Variants in CNTNAP2 observed in about 807,000 individuals in gnomAD.
CNTNAP2 encodes the protein contactin-associated protein-like 2.
Under a neutral mutation model 155.2 loss-of-function variants are expected in CNTNAP2, and 98 were observed. That is an observed-to-expected ratio of 0.63 (90% CI 0.54 to 0.75). CNTNAP2 has a LOEUF of 0.75. Ranked by LOEUF, CNTNAP2 falls within the 30% of genes least tolerant of loss-of-function variation. The pLI is 0.00. For missense variants in CNTNAP2, 1,727 were observed against 1,688.1 expected, an observed-to-expected ratio of 1.02 and a Z score of -0.40; for synonymous variants, 651 against 631.2, an observed-to-expected ratio of 1.03 and a Z score of -0.47.
intron 15 of CNTNAP2, among the ~76,000 whole-genome samples, chr7:148,009,441 A>C (rs1251987845): frequency 6.6e-6 from 1 of 152,150 alleles, no homozygotes; most frequent in Non-Finnish European, 1.5e-5. Flanking sequence ...TGGACAGGAG[A>C]GCTAGTAACA....
At chr7:146,185,670 G>C (rs971941243) in intron 1 of CNTNAP2, among the ~76,000 whole-genome samples, 3 of 151,846 alleles carry the variant, frequency 2.0e-5, no homozygotes, top group African/African-American at 7.3e-5. Context: ...GCTTGATAAA[G>C]CAATTCCTCT....
Position 146,158,412 on chromosome 7 carries a change from C to T in CNTNAP2, c.97+41439C>T, listed in dbSNP as rs191666444. On this transcript the variant is annotated intron_variant, in intron 1 of 23. Transcript: ENST00000361727. ...TGACTTTGATGAGTTTAGAGAAGAA[C>T]GCTTCAGAGGATCGGTAATAACAAA... Among the ~76,000 whole-genome samples the T allele has an allele frequency of 2.5e-3, 387 of 152,134 alleles. 3 individuals carry two copies. Among genetic ancestry groups the T allele is most frequent in the African/African-American group, 6.5e-3 (268 of 41,510 alleles).
chr7:147,899,577 A>G (rs1799829326), intron 13 of CNTNAP2, among the ~76,000 whole-genome samples: 2 of 152,184 alleles, frequency 1.3e-5, no homozygotes, highest in African/African-American at 2.4e-5. Context: ...TGCTAAAGTC[A>G]TATTAAGAAT....
chr7:147,358,890 C>T (rs1796104558), intron 9 of CNTNAP2, among the ~76,000 whole-genome samples: 1 of 152,012 alleles, frequency 6.6e-6, no homozygotes, highest in Non-Finnish European at 1.5e-5. Flanking sequence ...CTGTTTACTC[C>T]TTGTTTGGTA....
Position 147,392,976 on chromosome 7 carries a change from G to T in CNTNAP2, c.1499-2633G>T, listed in dbSNP as rs115247408. Among the ~76,000 whole-genome samples, 164 of 152,136 alleles carry T rather than the reference G, an allele frequency of 1.1e-3. 1 individual carries two copies. Among genetic ancestry groups the T allele is most frequent in the African/African-American group, 3.9e-3 (161 of 41,520 alleles). On this transcript the variant is annotated intron_variant, in intron 9 of 23. Coordinates refer to ENST00000361727, the MANE Select transcript of CNTNAP2 (RefSeq NM_014141.6). ...CTTAAAATTAATTTCAAACAATGATGAATATTCATTACCTCTCCTGGGCCA... is the reference window on the plus strand; with the variant it reads ...CTTAAAATTAATTTCAAACAATGATTAATATTCATTACCTCTCCTGGGCCA...
chr7:148,080,274 T>C (rs1404984864), intron 15 of CNTNAP2, among the ~76,000 whole-genome samples: 1 of 152,184 alleles, frequency 6.6e-6, no homozygotes, highest in Non-Finnish European at 1.5e-5. Context: ...AACTTATCCA[T>C]TCAAGTGATC....
chr7:147,075,802 C>A (rs1311589141), intron 4 of CNTNAP2, among the ~76,000 whole-genome samples: 1 of 152,150 alleles, frequency 6.6e-6, no homozygotes, highest in East Asian at 1.9e-4. Flanking sequence ...CCACGATAGG[C>A]CCCAGTGTGT....
intron 1 of CNTNAP2, among the ~76,000 whole-genome samples, chr7:146,745,628 G>A (rs1404337727): frequency 8.5e-5 from 13 of 152,064 alleles, no homozygotes; most frequent in Admixed American, 7.2e-4. Flanking sequence ...TTAGCCAAGC[G>A]TGGTGGTGCA....
At chr7:148,261,101 A>G (rs532827843) in intron 20 of CNTNAP2, among the ~76,000 whole-genome samples, 5 of 152,142 alleles carry the variant, frequency 3.3e-5, no homozygotes, top group South Asian at 2.1e-4. Flanking sequence ...TTCCATATGA[A>G]AGTTTCATCT....
intron 1 of CNTNAP2, among the ~76,000 whole-genome samples, chr7:146,130,741 T>A (rs760218440): frequency 1.3e-5 from 2 of 152,144 alleles, no homozygotes; most frequent in African/African-American, 2.4e-5. Context: ...TGTAATTGAC[T>A]CACAGTTCTG....
chr7:147,284,008 T>C (rs536767945), intron 8 of CNTNAP2, among the ~76,000 whole-genome samples: 19 of 151,980 alleles, frequency 1.3e-4, no homozygotes, highest in Non-Finnish European at 2.4e-4. Context: ...AATTTTCTTT[T>C]TTCATCTCGG....
intron 8 of CNTNAP2, among the ~76,000 whole-genome samples, chr7:147,253,446 C>T (rs969344322): frequency 7.0e-6 from 1 of 142,038 alleles, no homozygotes; most frequent in Non-Finnish European, 1.5e-5. Context: ...CGTCTTATTG[C>T]TTCTTTTGTT....
At chr7:146,459,417 C>T (rs531244713) in intron 1 of CNTNAP2, among the ~76,000 whole-genome samples, 11 of 152,150 alleles carry the variant, frequency 7.2e-5, no homozygotes, top group Non-Finnish European at 1.2e-4. Context: ...ATAGCCAAAA[C>T]TTACAATTGG....
chr7:146,599,947 T>C lies in CNTNAP2; in HGVS notation c.98-174324T>C, dbSNP rs1285254270. 3.9e-5 allele frequency among the ~76,000 whole-genome samples: 6 copies of C among 152,138 alleles called. No homozygotes were observed. The East Asian group carries it at 1.2e-3, about 29-fold the overall frequency. On this transcript the variant is annotated intron_variant, in intron 1 of 23. Coordinates refer to ENST00000361727, the MANE Select transcript of CNTNAP2 (RefSeq NM_014141.6). ...ATGTTGATTTATAGAGATTTATATT[T>C]CCCGTTAATTTCCGTTATGCTTTCT...
chr7:146,407,236 C>T (rs1795805527), intron 1 of CNTNAP2, among the ~76,000 whole-genome samples: 1 of 152,108 alleles, frequency 6.6e-6, no homozygotes, highest in Non-Finnish European at 1.5e-5. Context: ...GGTATTTATA[C>T]TTAATTTCTA....
chr7:147,088,715 C>T (rs1234114055), intron 4 of CNTNAP2, among the ~76,000 whole-genome samples: 2 of 152,126 alleles, frequency 1.3e-5, no homozygotes, highest in Admixed American at 1.3e-4. Context: ...AAGGCCAAGG[C>T]AGGAAAATGG....
intron 21 of CNTNAP2, among the ~76,000 whole-genome samples, chr7:148,291,360 C>T (rs1185829347): frequency 6.6e-6 from 1 of 151,452 alleles, no homozygotes; most frequent in Non-Finnish European, 1.5e-5. Flanking sequence ...ATCACAAGGT[C>T]CCACAATAGA....
intron 1 of CNTNAP2, among the ~76,000 whole-genome samples, chr7:146,705,700 G>C (rs1424363703): frequency 6.6e-6 from 1 of 152,082 alleles, no homozygotes; most frequent in Non-Finnish European, 1.5e-5. Context: ...GCAGGCAAGA[G>C]AGCTGTGCAG....
intron 11 of CNTNAP2, among the ~76,000 whole-genome samples, chr7:147,530,277 C>G (rs111880444): frequency 6.6e-6 from 1 of 151,898 alleles, no homozygotes; most frequent in African/African-American, 2.4e-5. Context: ...CCTCCACCTC[C>G]TGGGTTCAAG....
Sources: gnomAD v4.1 joint callset for allele counts (sites outside exome capture counted in the v4.1 genomes callset) on GRCh38, gnomAD v4.1.1 for gene constraint, MANE v1.5 for transcripts, NCBI Gene and HGNC (gene_info 2026-07-23, HGNC 2026-07-21) for gene names.